Variants in OPCML observed in about 807,000 individuals in gnomAD.
OPCML encodes opioid binding protein/cell adhesion molecule like, also known as opioid-binding protein/cell adhesion molecule.
OPCML carries 13 observed loss-of-function variants against 37.8 expected under a neutral mutation model. That is an observed-to-expected ratio of 0.34 (90% CI 0.22 to 0.55). The LOEUF (loss-of-function observed/expected upper bound fraction) is 0.55. OPCML is among the 20% of genes least tolerant of loss of function. The pLI is 0.91. For synonymous variants in OPCML, 176 were observed against 168.8 expected, an observed-to-expected ratio of 1.04 and a Z score of -0.33; for missense variants, 341 against 435.6, an observed-to-expected ratio of 0.78 and a Z score of 1.93.
At chr11:132,574,010 G>A (rs752433166) in intron 3 of OPCML, among the ~76,000 whole-genome samples, 5 of 151,836 alleles carry the variant, frequency 3.3e-5, no homozygotes, top group East Asian at 1.9e-4. Flanking sequence ...ATTAATTGGC[G>A]CTTAATTGTT....
chr11:133,138,501 A>G (rs989217686), intron 1 of OPCML, among the ~76,000 whole-genome samples: 1 of 152,184 alleles, frequency 6.6e-6, no homozygotes, highest in Non-Finnish European at 1.5e-5. Context: ...TCTACCTCTG[A>G]TTTGGAGCAA....
chr11:133,307,248 G>A (rs1942944792), intron 1 of OPCML, among the ~76,000 whole-genome samples: 1 of 151,982 alleles, frequency 6.6e-6, no homozygotes, highest in South Asian at 2.1e-4. Flanking sequence ...AGAAGGAAGT[G>A]GCATAAGAGA....
intron 1 of OPCML, among the ~76,000 whole-genome samples, chr11:133,040,723 T>C (rs1947875982): frequency 6.6e-6 from 1 of 151,666 alleles, no homozygotes; most frequent in African/African-American, 2.4e-5. Flanking sequence ...CAGTGAGTCA[T>C]TCAGAGCTGC....
chr11:132,595,272 A>G (rs1409652806), intron 3 of OPCML, among the ~76,000 whole-genome samples: 1 of 152,144 alleles, frequency 6.6e-6, no homozygotes, highest in Admixed American at 6.5e-5. Flanking sequence ...TAAAAAGTAA[A>G]TTAAAAAATA....
At chr11:132,479,456 C>T (rs2512719) in intron 4 of OPCML, among the ~76,000 whole-genome samples, 1 of 151,978 alleles carries the variant, frequency 6.6e-6, no homozygotes, top group Non-Finnish European at 1.5e-5. Context: ...GAAGGGGCGC[C>T]CACCATTGCC....
chr11:132,580,157 T>C (rs1159411873), intron 3 of OPCML, among the ~76,000 whole-genome samples: 1 of 152,200 alleles, frequency 6.6e-6, no homozygotes, highest in Non-Finnish European at 1.5e-5. Flanking sequence ...CGCTGTGTTT[T>C]CCCTTATGTC....
At chr11:132,488,020 A>G (rs963715779) in intron 4 of OPCML, among the ~76,000 whole-genome samples, 2 of 152,176 alleles carry the variant, frequency 1.3e-5, no homozygotes, top group African/African-American at 4.8e-5. Context: ...GCTCCAGCCT[A>G]CCTTTGCAGC....
At chr11:132,960,959 G>T (rs1198658484) in intron 1 of OPCML, among the ~76,000 whole-genome samples, 2 of 152,168 alleles carry the variant, frequency 1.3e-5, no homozygotes, top group East Asian at 3.9e-4. Flanking sequence ...AGAAGCAGCA[G>T]GTGCGGCGAT....
At position 133,139,961 on chromosome 11, in the gene OPCML, C is replaced by T. The variant is rs577214579; in HGVS notation, c.62-196951G>A. ...TAGCACTTTGGGAGGCCAAGATGGG[C>T]GAATCACCTGAGGTCAGGAGTTCGA... On this transcript the variant is annotated intron_variant, in intron 1 of 7. Coordinates refer to ENST00000524381, the MANE Select transcript of OPCML (RefSeq NM_001012393.5). 2.2e-4 allele frequency among the ~76,000 whole-genome samples: 34 copies of T among 151,902 alleles called. No homozygotes were observed. In the South Asian group the frequency reaches 5.4e-3, roughly 24 times the overall value.
intron 1 of OPCML, chr11:133,006,337 A>G (rs983359168): frequency 3.0e-5 from 20 of 661,706 alleles, no homozygotes; most frequent in African/African-American, 9.9e-5. Context: ...ATAAAACCCT[A>G]TCTTACTACC....
chr11:133,271,012 C>T (rs1479664025), intron 1 of OPCML, among the ~76,000 whole-genome samples: 5 of 152,036 alleles, frequency 3.3e-5, no homozygotes, highest in Admixed American at 2.0e-4. Context: ...TGCACCAATT[C>T]GACATTTATG....
intron 1 of OPCML, among the ~76,000 whole-genome samples, chr11:133,203,013 G>A (rs544967326): frequency 6.6e-6 from 1 of 152,318 alleles, no homozygotes; most frequent in Non-Finnish European, 1.5e-5. Flanking sequence ...TTTACCACAG[G>A]AAGACTAGCA....
chr11:132,722,910 C>T (rs11826441), intron 2 of OPCML, among the ~76,000 whole-genome samples: 111 of 152,270 alleles, frequency 7.3e-4, no homozygotes, highest in African/African-American at 2.5e-3. Context: ...ACACAGTACT[C>T]TCCATATCCT....
rs78929059 is a variant in OPCML, at chr11:132,818,712, T to C, written c.146+124214A>G. On this transcript the variant is annotated intron_variant, in intron 2 of 7. Transcript: ENST00000524381. ...TATTGTTTCTGTTTTCTGGAGAACC[T>C]TACTAATACATGTGTTAATTATAGT... Among the ~76,000 whole-genome samples the C allele has an allele frequency of 8.4e-4, 123 of 146,022 alleles. 2 individuals carry two copies. In the East Asian group the frequency reaches 0.023, roughly 27 times the overall value.
intron 2 of OPCML, among the ~76,000 whole-genome samples, chr11:132,717,400 A>G (rs1285736974): frequency 6.6e-6 from 1 of 152,228 alleles, no homozygotes; most frequent in African/African-American, 2.4e-5. Flanking sequence ...GTTTTAAGCA[A>G]TATTTTATAA....
At chr11:132,560,199 T>C (rs1446122192) in intron 3 of OPCML, among the ~76,000 whole-genome samples, 2 of 152,202 alleles carry the variant, frequency 1.3e-5, no homozygotes, top group Admixed American at 6.5e-5. Context: ...GGGTCAGTAA[T>C]TGTGACTCCA....
chr11:133,503,731 C>T (rs892450827), intron 1 of OPCML, among the ~76,000 whole-genome samples: 2 of 152,186 alleles, frequency 1.3e-5, no homozygotes, highest in African/African-American at 2.4e-5. Flanking sequence ...GATTTTACCA[C>T]ACCAAGAATC....
At chr11:133,303,443 T>C (rs1288283479) in intron 1 of OPCML, among the ~76,000 whole-genome samples, 1 of 152,194 alleles carries the variant, frequency 6.6e-6, no homozygotes, top group Admixed American at 6.5e-5. Context: ...AACTAGAAGG[T>C]TTCATGACTG....
At chr11:132,529,659 C>T (rs998890798) in intron 3 of OPCML, among the ~76,000 whole-genome samples, 5 of 152,144 alleles carry the variant, frequency 3.3e-5, no homozygotes, top group Non-Finnish European at 7.4e-5. Context: ...TATCCCAGAC[C>T]CTTTTAAAAT....
Sources: allele counts gnomAD v4.1 joint callset (sites outside exome capture counted in the v4.1 genomes callset), GRCh38; gene constraint gnomAD v4.1.1; transcripts MANE v1.5; gene names NCBI Gene and HGNC (gene_info 2026-07-23, HGNC 2026-07-21).